Variants in NOTCH1 observed in about 807,000 individuals in gnomAD.
NOTCH1 encodes the protein neurogenic locus notch homolog protein 1.
A neutral mutation model predicts 254.8 loss-of-function variants in NOTCH1; 37 were observed. The observed-to-expected ratio is 0.15, with a 90% CI of 0.11 to 0.19. NOTCH1 has a LOEUF of 0.19. Among genes scored for constraint, NOTCH1 ranks in the 10% least tolerant of loss-of-function variants. The pLI is 1.00. For missense variants in NOTCH1, 2,972 were observed against 3,708.6 expected (o/e 0.80, Z 5.16); for synonymous variants, 1,731 against 1,618.1 (o/e 1.07, Z -1.68).
intron 2 of NOTCH1, among the ~76,000 whole-genome samples, chr9:136,535,134 AC>A (rs1320599139): frequency 2.8e-5 from 4 of 144,912 alleles, no homozygotes; most frequent in East Asian, 2.1e-4. Flanking sequence ...CCGCTGCCCC[AC>A]CCCCGCCCCA....
At chr9:136,512,381 G>C (rs1843195191) in intron 15 of NOTCH1, among the ~76,000 whole-genome samples, 1 of 152,176 alleles carries the variant, frequency 6.6e-6, no homozygotes, top group Non-Finnish European at 1.5e-5. Flanking sequence ...CCCGCTCCTG[G>C]GGAGCGCCAG....
chr9:136,510,816 G>A lies in NOTCH1; in HGVS notation c.2588-11C>T, dbSNP rs375851186. On this transcript the variant is annotated splice_polypyrimidine_tract_variant and intron_variant, in intron 16 of 33. Coordinates refer to ENST00000651671, the MANE Select transcript of NOTCH1 (RefSeq NM_017617.5). The stretch of plus-strand genomic sequence containing the variant: ...CCTCACAGGTCTGCCCTGCGGGGCA[G>A]GAGGAGGCCGGTTGGTCACCAGCGG... The A allele has an allele frequency of 1.9e-6, 3 of 1,606,756 alleles. No individual in the cohort carries two copies. In the African/African-American group the frequency reaches 4.0e-5, roughly 21 times the overall value.
At chr9:136,522,492 A>G (rs979916459) in intron 4 of NOTCH1, 2 of 277,668 alleles carry the variant, frequency 7.2e-6, no homozygotes, top group African/African-American at 4.5e-5. Flanking sequence ...GTGCCCCCGC[A>G]GCTCCCACGC....
At chr9:136,541,130 C>G (rs913182518) in intron 2 of NOTCH1, among the ~76,000 whole-genome samples, 2 of 152,178 alleles carry the variant, frequency 1.3e-5, no homozygotes, top group African/African-American at 4.8e-5. Flanking sequence ...GGCCACACCT[C>G]GCACAGCAGC....
intron 22 of NOTCH1, 69 bp downstream of exon 22, chr9:136,507,236 G>A (rs904250371): frequency 6.9e-5 from 111 of 1,609,654 alleles, no homozygotes; most frequent in Middle Eastern, 5.4e-4. Flanking sequence ...GGCCGGTCCC[G>A]GGGTGCCTGC....
chr9:136,528,487 C>T (rs1027533315), intron 2 of NOTCH1, among the ~76,000 whole-genome samples: 2 of 7,126 alleles, frequency 2.8e-4, no homozygotes, highest in Non-Finnish European at 6.4e-4. Flanking sequence ...AGGGACAGTG[C>T]GGGGAATGGG....
At chr9:136,505,947 C>T in intron 24 of NOTCH1, 66 bp from the exon 25 acceptor site, 1 of 1,438,432 alleles carries the variant, frequency 7.0e-7, no homozygotes, top group Non-Finnish European at 9.3e-7. Context: ...CCACCTCACA[C>T]CCAGCCCTCG....
chr9:136,520,554 C>T (rs370495280), intron 4 of NOTCH1, among the ~76,000 whole-genome samples: 49 of 152,024 alleles, frequency 3.2e-4, no homozygotes, highest in African/African-American at 1.1e-3. Flanking sequence ...GACAACATGG[C>T]GAAACCCCGT....
intron 13 of NOTCH1, 44 bp downstream of exon 13, chr9:136,514,466 G>A (rs2133360160): frequency 6.5e-7 from 1 of 1,538,672 alleles, no homozygotes. Flanking sequence ...AGAGCTCCCA[G>A]GGTTTAGGAC....
At chr9:136,533,897 G>A (rs1428138095) in intron 2 of NOTCH1, among the ~76,000 whole-genome samples, 2 of 152,248 alleles carry the variant, frequency 1.3e-5, no homozygotes, top group Non-Finnish European at 2.9e-5. Context: ...GACTTGATGA[G>A]GCACGAACGC....
chr9:136,502,239 G>T (rs763844406), intron 28 of NOTCH1, 33 bp downstream of exon 28: 1 of 1,426,530 alleles, frequency 7.0e-7, no homozygotes, highest in South Asian at 1.1e-5. Flanking sequence ...ACCTCCCACC[G>T]GGGACCCAGA....
intron 17 of NOTCH1, among the ~76,000 whole-genome samples, chr9:136,510,304 A>G (rs1589062333): frequency 6.6e-6 from 1 of 151,680 alleles, no homozygotes; most frequent in East Asian, 1.9e-4. Context: ...GCCAACCTCA[A>G]CCTCTGTGAA....
At position 136,508,245 on chromosome 9, in the gene NOTCH1, A is replaced by T. The variant is rs2133347063; in HGVS notation, c.3312T>A (p.Ala1104=). The T allele has an allele frequency of 6.2e-7, 1 of 1,611,902 alleles. No homozygotes were observed. The highest frequency in any genetic ancestry group is 8.5e-7 in the Non-Finnish European group (1 of 1,179,482). ...CDVPSVSCEV[A]AQRQGVDVAR... ...ACAGCAGGTTACCTTGTCGCTGCGCAGCCACCTCACAGGACACGCTGGGCA... is the reference window on the plus strand; with the variant it reads ...ACAGCAGGTTACCTTGTCGCTGCGCTGCCACCTCACAGGACACGCTGGGCA... The change falls in exon 20 of 34, where the codon GCT becomes GCA. Residue 1104 remains alanine (A), a synonymous_variant. Coordinates refer to ENST00000651671, the MANE Select transcript of NOTCH1 (RefSeq NM_017617.5).
In NOTCH1 at chr9:136,502,066, C is replaced by T. The variant is rs369526652; in HGVS notation, c.5407G>A (p.Gly1803Ser). 3.7e-5 allele frequency: 59 copies of T among 1,613,196 alleles called. No homozygotes were observed. In the South Asian group the frequency reaches 4.4e-4, roughly 12 times the overall value. ...GLKPLKNASD[G>S]ALMDDNQNEW... ...TTCTGGTTGTCGTCCATGAGGGCAC[C>T]GTCTGAAGCGTTCTTCAGGGGCCTG... Residue 1803 changes from glycine (G) to serine (S), a missense_variant, in exon 29 of 34, where the codon GGT becomes AGT. Around this residue, in one of 8 missense-constraint regions of NOTCH1, gnomAD observed 421 missense variants for 604.4 expected, o/e 0.70. Coordinates refer to ENST00000651671, the MANE Select transcript of NOTCH1 (RefSeq NM_017617.5).
Position 136,513,638 on chromosome 9 carries a change from C to T in NOTCH1, c.2208-101G>A. ...AATGCCCTATGGGCTGGCGGAGGTG[C>T]CCATCCACTCAGACTCGCAGAGTCC... On this transcript the variant is annotated intron_variant, in intron 13 of 33. Transcript: ENST00000651671. The surrounding 1 kb of genome is among the most constrained non-coding windows in gnomAD (Gnocchi z 4.7). 7.4e-7 allele frequency: 1 copy of T among 1,356,052 alleles called. No individual in the cohort carries two copies. Among genetic ancestry groups the T allele is most frequent in the Non-Finnish European group, 1.0e-6 (1 of 972,088 alleles). The allele number at this position is 1,356,052 out of a possible 1,614,324, so 84.0% of individuals were successfully genotyped here.
chr9:136,515,770 AC>A (rs1210241976), intron 10 of NOTCH1, 54 bp from the exon 11 acceptor site: 32 of 1,482,390 alleles, frequency 2.2e-5, no homozygotes, highest in Non-Finnish European at 2.9e-5. Context: ...GGCCCCCGGG[AC>A]ACCCATGACC....
intron 17 of NOTCH1, chr9:136,510,452 G>A (rs1843160957): frequency 1.5e-6 from 1 of 667,660 alleles, no homozygotes; most frequent in South Asian, 1.8e-5. Flanking sequence ...GCGAAGTGCA[G>A]GGAGGAGCAA....
chr9:136,537,699 G>C (rs1175453042), intron 2 of NOTCH1, among the ~76,000 whole-genome samples: 2 of 152,210 alleles, frequency 1.3e-5, no homozygotes, highest in Admixed American at 6.5e-5. Flanking sequence ...TGGAGGCGGA[G>C]GCAGGAGGAT....
rs1367699274 is a variant in NOTCH1, at chr9:136,496,950, C to T, written c.6789G>A (p.Arg2263=). 1.9e-6 allele frequency: 3 copies of T among 1,610,976 alleles called. No individual in the cohort carries two copies. Among genetic ancestry groups the T allele is most frequent in the Non-Finnish European group, 2.5e-6 (3 of 1,179,334 alleles). The stretch of plus-strand genomic sequence containing the variant: ...GAGGTGGGCCAGTCTCAAAGGCCAG[C>T]CGGCCGCCCCCACCCAGCGCCGCCA... The part of the protein sequence containing the change: ...PEMAALGGGG[R]LAFETGPPRL... Residue 2263 remains arginine, a synonymous_variant, in exon 34 of 34, where the codon CGG becomes CGA. Coordinates refer to ENST00000651671, the MANE Select transcript of NOTCH1 (RefSeq NM_017617.5).
Sources: allele counts gnomAD v4.1 joint callset (sites outside exome capture counted in the v4.1 genomes callset), GRCh38; gene constraint gnomAD v4.1.1; regional missense constraint gnomAD v4.1.1; non-coding constraint Gnocchi (gnomAD v3.1); transcripts MANE v1.5; gene names NCBI Gene and HGNC (gene_info 2026-07-23, HGNC 2026-07-21).